Variants in CEP128 observed in about 807,000 individuals in gnomAD.
The protein encoded by CEP128 is centrosomal protein 128, also known as centrosomal protein 128kDa.
CEP128 carries 132 observed loss-of-function variants against 156.7 expected under a neutral mutation model. The observed-to-expected ratio is 0.84, with a 90% CI of 0.73 to 0.97. The LOEUF (loss-of-function observed/expected upper bound fraction) is 0.97, where lower values mean the gene tolerates loss of function less well. Among genes scored for constraint, CEP128 ranks in the 50% least tolerant of loss-of-function variants. The pLI is 0.00. For synonymous variants in CEP128, 469 were observed against 448.9 expected (o/e 1.04, Z -0.57); for missense variants, 1,252 against 1,281.9 (o/e 0.98, Z 0.36).
At chr14:80,527,400 C>G (rs1889026006) in intron 22 of CEP128, 1 of 164,340 alleles carries the variant, frequency 6.1e-6, no homozygotes, top group South Asian at 1.3e-4. Flanking sequence ...TACTGCACTA[C>G]AGCCTGGGTG....
chr14:80,520,989 ATTTTTTT>A (rs533538115), intron 23 of CEP128, among the ~76,000 whole-genome samples: 3,312 of 114,600 alleles, frequency 0.029, 142 homozygotes, highest in African/African-American at 0.1. Flanking sequence ...CGCCCAGCTA[ATTTTTTT>A]TTTTTTTTTT....
At chr14:80,486,400 A>T (rs1887166190), downstream of CEP128, among the ~76,000 whole-genome samples, 1 of 152,118 alleles carries the variant, frequency 6.6e-6, no homozygotes, top group African/African-American at 2.4e-5. Flanking sequence ...TGATTGGTGT[A>T]CCTGAAAGTG....
Position 80,497,586 on chromosome 14 carries a change from G to T in CEP128, c.3182-4C>A. 1 of 1,600,936 alleles carries T rather than the reference G, an allele frequency of 6.2e-7. No individual in the cohort carries two copies. The highest frequency in any genetic ancestry group is 1.1e-5 in the South Asian group (1 of 90,250). ...GCAACAGTTCTTTTGGTAAATGCTG[G>T]CAAGGTAAGAAGAAAAAGAAAAATA... On this transcript the variant is annotated splice_region_variant and splice_polypyrimidine_tract_variant and intron_variant, in intron 24 of 24. Coordinates refer to ENST00000555265, the MANE Select transcript of CEP128 (RefSeq NM_152446.5).
chr14:80,533,813 T>A (rs1889346762), intron 21 of CEP128, among the ~76,000 whole-genome samples: 1 of 152,202 alleles, frequency 6.6e-6, no homozygotes, highest in African/African-American at 2.4e-5. Flanking sequence ...ACACATACCT[T>A]TCTTTTCATC....
At chr14:80,914,282 A>T in intron 4 of CEP128, 40 bp downstream of exon 4, 1 of 1,470,154 alleles carries the variant, frequency 6.8e-7, no homozygotes, top group East Asian at 2.3e-5. Context: ...ATTCCCAAAA[A>T]GGTGGGTAGG....
At chr14:80,769,619 G>A (rs192455731) in intron 16 of CEP128, among the ~76,000 whole-genome samples, 1 of 152,042 alleles carries the variant, frequency 6.6e-6, no homozygotes, top group African/African-American at 2.4e-5. Context: ...GTATTCCATG[G>A]TGTATATGTG....
intron 13 of CEP128, among the ~76,000 whole-genome samples, chr14:80,820,105 GTTGA>G: frequency 6.6e-6 from 1 of 152,156 alleles, no homozygotes; most frequent in East Asian, 1.9e-4. Flanking sequence ...AGGATTTGTA[GTTGA>G]TTCTTTTTAT....
intron 19 of CEP128, among the ~76,000 whole-genome samples, chr14:80,721,020 C>G (rs565142817): frequency 6.6e-6 from 1 of 152,056 alleles, no homozygotes; most frequent in African/African-American, 2.4e-5. Flanking sequence ...GGTGCATAAT[C>G]GTGTTATTCC....
intron 19 of CEP128, among the ~76,000 whole-genome samples, chr14:80,637,481 T>C (rs537964858): frequency 3.3e-5 from 5 of 152,318 alleles, no homozygotes; most frequent in Admixed American, 3.3e-4. Context: ...ATAAATTCTA[T>C]AAAGTTAAGG....
intron 13 of CEP128, among the ~76,000 whole-genome samples, chr14:80,804,607 A>T (rs1884066201): frequency 1.3e-5 from 2 of 152,186 alleles, no homozygotes; most frequent in Non-Finnish European, 2.9e-5. Context: ...AATGGGATAC[A>T]AATACCACAG....
At chr14:80,938,245 A>ATTTTTTTTTTT (rs35236692) in intron 2 of CEP128, among the ~76,000 whole-genome samples, 1 of 117,014 alleles carries the variant, frequency 8.5e-6, no homozygotes, top group South Asian at 2.8e-4. Flanking sequence ...CAGTGTTAGT[A>ATTTTTTTTTTT]TTTTTTTTTT....
intron 18 of CEP128, among the ~76,000 whole-genome samples, chr14:80,747,044 C>T (rs530616063): frequency 6.6e-6 from 1 of 152,312 alleles, no homozygotes; most frequent in Admixed American, 6.5e-5. Context: ...CTACTTCACA[C>T]CCAGCAGGGT....
intron 2 of CEP128, among the ~76,000 whole-genome samples, chr14:80,921,598 G>A (rs1884865211): frequency 6.6e-6 from 1 of 152,104 alleles, no homozygotes; most frequent in African/African-American, 2.4e-5. Flanking sequence ...AAAGGCAGAG[G>A]TAAAGAGGGA....
chr14:80,699,182 C>T (rs562754486), intron 19 of CEP128, among the ~76,000 whole-genome samples: 53 of 152,286 alleles, frequency 3.5e-4, no homozygotes, highest in Non-Finnish European at 6.5e-4. Context: ...CAGCCTCTGC[C>T]ACAATTTAAT....
intron 1 of CEP128, among the ~76,000 whole-genome samples, chr14:80,940,676 A>C (rs1317971701): frequency 2.1e-5 from 2 of 95,536 alleles, no homozygotes; most frequent in African/African-American, 8.1e-5. Context: ...CAGACTCCTC[A>C]AAAAAAAAAA....
At position 80,555,454 on chromosome 14, in the gene CEP128, A is replaced by G. The variant is rs183133771; in HGVS notation, c.2880+3825T>C. On this transcript the variant is annotated intron_variant, in intron 21 of 24. Transcript: ENST00000555265. ...AAGAAGCCAATTTTGCCTTTATTTA[A>G]AATACATTTCAGCACTCTGTAGTGC... Among the ~76,000 whole-genome samples the G allele has an allele frequency of 7.6e-4, 115 of 152,246 alleles. 1 individual carries two copies. Among genetic ancestry groups the G allele is most frequent in the Non-Finnish European group, 9.1e-4 (62 of 67,956 alleles).
intron 20 of CEP128, among the ~76,000 whole-genome samples, chr14:80,564,430 T>C (rs971953009): frequency 1.3e-5 from 2 of 152,194 alleles, no homozygotes; most frequent in East Asian, 1.9e-4. Flanking sequence ...TCCCTCAATA[T>C]ACAAATTATT....
intron 21 of CEP128, among the ~76,000 whole-genome samples, chr14:80,531,893 C>A (rs2140279386): frequency 6.6e-6 from 1 of 152,198 alleles, no homozygotes; most frequent in African/African-American, 2.4e-5. Flanking sequence ...ACAGTTGAAC[C>A]TGAGCGTTCC....
intron 16 of CEP128, among the ~76,000 whole-genome samples, chr14:80,762,491 A>G (rs1213940668): frequency 1.3e-5 from 2 of 152,196 alleles, no homozygotes; most frequent in African/African-American, 4.8e-5. Flanking sequence ...CTGAACTGAA[A>G]AAAAATAACA....
Sources: allele counts gnomAD v4.1 joint callset (sites outside exome capture counted in the v4.1 genomes callset), GRCh38; gene constraint gnomAD v4.1.1; transcripts MANE v1.5; gene names NCBI Gene and HGNC (gene_info 2026-07-23, HGNC 2026-07-21).